The following TNKS variants were observed in gnomAD, a reference collection of about 807,000 sequenced individuals.
TNKS encodes the protein tankyrase.
TNKS carries 72 observed loss-of-function variants against 135.8 expected under a neutral mutation model. That is an observed-to-expected ratio of 0.53 (90% CI 0.44 to 0.64). TNKS has a LOEUF of 0.64. TNKS is among the 30% of genes least tolerant of loss of function. The probability of loss-of-function intolerance (pLI) is 0.00; values close to 1 mark genes in which losing one functional copy is unlikely to be tolerated. For missense variants in TNKS, 1,769 were observed against 1,674.0 expected (o/e 1.06, Z -0.99); for synonymous variants, 849 against 649.3 (o/e 1.31, Z -4.68).
chr8:9,775,070 C>G (rs1808145141), intron 26 of TNKS, among the ~76,000 whole-genome samples: 1 of 152,110 alleles, frequency 6.6e-6, no homozygotes, highest in Non-Finnish European at 1.5e-5. Flanking sequence ...TACACGGATG[C>G]TAGTGATAAA....
Position 9,748,161 on chromosome 8 carries a change from A to C in TNKS, c.2781A>C (p.Ala927=). 1 of 1,603,434 alleles carries C rather than the reference A, an allele frequency of 6.2e-7. No individual in the cohort carries two copies. Among genetic ancestry groups the C allele is most frequent in the East Asian group, 2.3e-5 (1 of 44,426 alleles). The part of the protein sequence containing the change: ...QLCALLLAHG[A]DPTMKNQEGQ... ...GCGCCCTCCTCCTAGCGCATGGTGC[A>C]GACCCCACCATGAAGAACCAGGAAG... Residue 927 remains alanine, a synonymous_variant, in exon 18 of 27, where the codon GCA becomes GCC. Coordinates refer to ENST00000310430, the MANE Select transcript of TNKS (RefSeq NM_003747.3).
At position 9,751,838 on chromosome 8, in the gene TNKS, AAGG is replaced by A. The variant is rs1806555734; in HGVS notation, c.3065_3067del (p.Gly1022del). 6.2e-7 allele frequency: 1 copy of A among 1,614,154 alleles called. No individual in the cohort carries two copies. The highest frequency in any genetic ancestry group is 8.5e-7 in the Non-Finnish European group (1 of 1,179,998). ...GGCGCCGCGGGAACAGAAAGGAAGG[AAGG>A]AGAAGGTGAGTAGACCCCATGAATG... On this transcript the variant is annotated inframe_deletion, in exon 19 of 27. Transcript: ENST00000310430.
chr8:9,656,611 CTTT>C (rs71201960), intron 3 of TNKS, among the ~76,000 whole-genome samples: 1 of 136,452 alleles, frequency 7.3e-6, no homozygotes, highest in Non-Finnish European at 1.5e-5. Context: ...AAAGAATTTT[CTTT>C]TTTTTTTTTT....
chr8:9,634,479 TTTG>T (rs147641725), intron 3 of TNKS, among the ~76,000 whole-genome samples: 1,765 of 152,298 alleles, frequency 0.012, 31 homozygotes, highest in African/African-American at 0.04. Context: ...TCTTATTAAG[TTTG>T]TTGTTCTTTG....
intron 11 of TNKS, among the ~76,000 whole-genome samples, chr8:9,718,081 T>G (rs1018442076): frequency 6.6e-6 from 1 of 152,172 alleles, no homozygotes; most frequent in Non-Finnish European, 1.5e-5. Context: ...ATCTTTGTAT[T>G]GTCAATTGGA....
chr8:9,560,255 A>C (rs1459785910), intron 1 of TNKS, among the ~76,000 whole-genome samples: 1 of 152,066 alleles, frequency 6.6e-6, no homozygotes, highest in Non-Finnish European at 1.5e-5. Flanking sequence ...AAAACATTAA[A>C]TTCTGAGATT....
intron 3 of TNKS, among the ~76,000 whole-genome samples, chr8:9,618,144 G>C (rs987105287): frequency 6.6e-6 from 1 of 151,938 alleles, no homozygotes; most frequent in Non-Finnish European, 1.5e-5. Flanking sequence ...GTGCCGCCAC[G>C]CCTGGCTAAT....
chr8:9,705,865 C>A (rs1286928476), intron 6 of TNKS, among the ~76,000 whole-genome samples: 1 of 152,144 alleles, frequency 6.6e-6, no homozygotes, highest in Non-Finnish European at 1.5e-5. Flanking sequence ...TATTTCAGTT[C>A]ACTACCAATT....
chr8:9,595,863 G>C (rs1312031395), intron 2 of TNKS, among the ~76,000 whole-genome samples: 1 of 151,870 alleles, frequency 6.6e-6, no homozygotes, highest in Non-Finnish European at 1.5e-5. Flanking sequence ...CTCTAATCTT[G>C]GCACTTTGGG....
chr8:9,762,272 G>T (rs1807183992), intron 21 of TNKS, among the ~76,000 whole-genome samples: 1 of 152,168 alleles, frequency 6.6e-6, no homozygotes, highest in African/African-American at 2.4e-5. Context: ...AAGCAAGGAA[G>T]GAGAATCTAC....
intron 5 of TNKS, among the ~76,000 whole-genome samples, chr8:9,699,075 G>T (rs181476100): frequency 1.1e-3 from 167 of 152,322 alleles, no homozygotes; most frequent in Admixed American, 2.7e-3. Context: ...CAGAGGTGTA[G>T]AAACTGGCAG....
chr8:9,656,768 C>T (rs1801394899), intron 3 of TNKS, among the ~76,000 whole-genome samples: 1 of 151,100 alleles, frequency 6.6e-6, no homozygotes, highest in Non-Finnish European at 1.5e-5. Flanking sequence ...GACCCCACGG[C>T]CTTCCGCAGT....
At chr8:9,748,602 G>T (rs73533208) in intron 18 of TNKS, among the ~76,000 whole-genome samples, 174 of 152,002 alleles carry the variant, frequency 1.1e-3, no homozygotes, top group African/African-American at 4.0e-3. Flanking sequence ...ATTAACTCTG[G>T]GCAGTATTAT....
At chr8:9,689,648 C>G (rs565695092) in intron 5 of TNKS, among the ~76,000 whole-genome samples, 1 of 152,320 alleles carries the variant, frequency 6.6e-6, no homozygotes, top group Admixed American at 6.5e-5. Flanking sequence ...CTAGACGTCT[C>G]TGCTCCTGGC....
At chr8:9,740,074 AAAAAAAG>A (rs1333997413) in intron 17 of TNKS, among the ~76,000 whole-genome samples, 15 of 150,284 alleles carry the variant, frequency 1.0e-4, no homozygotes, top group South Asian at 8.4e-4. Context: ...AAAAAAAAAA[AAAAAAAG>A]AAAGTCCAGA....
chr8:9,612,537 A>G (rs1022777074), intron 2 of TNKS, among the ~76,000 whole-genome samples: 1 of 150,788 alleles, frequency 6.6e-6, no homozygotes, highest in South Asian at 2.1e-4. Flanking sequence ...CAAGCTAAGA[A>G]TTGTTTATAT....
At chr8:9,713,949 G>T (rs145050512) in intron 11 of TNKS, among the ~76,000 whole-genome samples, 1 of 152,300 alleles carries the variant, frequency 6.6e-6, no homozygotes, top group East Asian at 1.9e-4. Context: ...TGAACAAGCA[G>T]CACCAGTTTT....
chr8:9,770,108 A>G lies in TNKS; in HGVS notation c.3743A>G (p.Gln1248Arg). The change falls in exon 26 of 27, where the codon CAA (glutamine) becomes CGA (arginine). Residue 1248 changes from glutamine (Q) to arginine (R), a missense_variant and splice_region_variant. By Grantham distance (43) the Gln-to-Arg change is conservative. Around this residue, in one of 5 missense-constraint regions of TNKS, gnomAD observed 722 missense variants for 688.9 expected, o/e 1.05. Transcript: ENST00000310430. The stretch of plus-strand genomic sequence containing the variant: ...ATTGTTTTTTTCTTTTTCCTTAGAC[A>G]AATGCTCTTCTGTAGAGTGACCCTT... ...KDRSCYICHR[Q>R]MLFCRVTLGK... is the part of the protein sequence containing the mutation. 6.2e-7 allele frequency: 1 copy of G among 1,602,626 alleles called. No individual in the cohort carries two copies. The highest frequency in any genetic ancestry group is 8.5e-7 in the Non-Finnish European group (1 of 1,173,916).
chr8:9,611,012 G>A (rs1181527878), intron 2 of TNKS, among the ~76,000 whole-genome samples: 1 of 152,164 alleles, frequency 6.6e-6, no homozygotes, highest in African/African-American at 2.4e-5. Context: ...GCTGAATTTG[G>A]CTCCCTGTGG....
Sources: gnomAD v4.1 joint callset for allele counts (sites outside exome capture counted in the v4.1 genomes callset) on GRCh38, gnomAD v4.1.1 for gene constraint, gnomAD v4.1.1 regional missense constraint, MANE v1.5 for transcripts, NCBI Gene and HGNC (gene_info 2026-07-23, HGNC 2026-07-21) for gene names.